The following PRKAA2 variants were observed in gnomAD, a reference collection of about 807,000 sequenced individuals.
PRKAA2 encodes protein kinase AMP-activated catalytic subunit alpha 2.
Under a neutral mutation model 56.3 loss-of-function variants are expected in PRKAA2, and 40 were observed. The observed-to-expected ratio is 0.71, with a 90% CI of 0.55 to 0.92. The LOEUF is 0.92. Ranked by LOEUF, PRKAA2 falls within the 40% of genes least tolerant of loss-of-function variation. The pLI is 0.00. For missense variants in PRKAA2, 542 were observed against 686.9 expected, an observed-to-expected ratio of 0.79 and a Z score of 2.36; for synonymous variants, 214 against 234.2, an observed-to-expected ratio of 0.91 and a Z score of 0.79.
chr1:56,675,942 A>G (rs916452175), intron 2 of PRKAA2, among the ~76,000 whole-genome samples: 5 of 139,840 alleles, frequency 3.6e-5, no homozygotes, highest in African/African-American at 1.4e-4. Context: ...GCATGTTCAT[A>G]TAAATATACT....
chr1:56,697,305 T>G (rs910881121), intron 6 of PRKAA2, among the ~76,000 whole-genome samples: 18 of 152,080 alleles, frequency 1.2e-4, no homozygotes, highest in Non-Finnish European at 2.6e-4. Context: ...ATTACAAGTG[T>G]GAGTCGTTGC....
Position 56,669,671 on chromosome 1 carries a change from C to G in PRKAA2, c.95-4710C>G, listed in dbSNP as rs193013234. 1.5e-4 allele frequency among the ~76,000 whole-genome samples: 23 copies of G among 152,214 alleles called. No homozygotes were observed. The East Asian group carries it at 3.9e-3, about 26-fold the overall frequency. On this transcript the variant is annotated intron_variant, in intron 1 of 8. Coordinates refer to ENST00000371244, the MANE Select transcript of PRKAA2 (RefSeq NM_006252.4). Reference sequence around the variant, plus strand: ...AGACACAAGGGATCTAGCCTCTGACCCCATCCCATCTAGCATTGAGAGATG... The same window carrying G: ...AGACACAAGGGATCTAGCCTCTGACGCCATCCCATCTAGCATTGAGAGATG...
In PRKAA2 at chr1:56,645,449, C is replaced by T; in HGVS notation, c.62C>T (p.Thr21Met). Residue 21 changes from threonine (T) to methionine (M), a missense_variant, in exon 1 of 9, where the codon ACG becomes ATG. By Grantham distance (81) the Thr-to-Met change is moderately conservative. Coordinates refer to ENST00000371244, the MANE Select transcript of PRKAA2 (RefSeq NM_006252.4). ...ATCGGACACTACGTGCTGGGCGACA[C>T]GCTGGGCGTCGGCACCTTCGGCAAA... ...VKIGHYVLGD[T>M]LGVGTFGKVK... The T allele has an allele frequency of 6.6e-7, 1 of 1,508,186 alleles. No homozygotes were observed. Among genetic ancestry groups the T allele is most frequent in the Non-Finnish European group, 8.9e-7 (1 of 1,122,268 alleles). 93.4% of individuals were successfully genotyped at this position (1,508,186 alleles called of 1,614,324 possible).
At chr1:56,669,476 G>T (rs1458703983) in intron 1 of PRKAA2, among the ~76,000 whole-genome samples, 1 of 151,642 alleles carries the variant, frequency 6.6e-6, no homozygotes, top group East Asian at 1.9e-4. Flanking sequence ...TGCTGATTTT[G>T]GGGACATGCT....
chr1:56,675,525 G>A (rs1334817155), intron 2 of PRKAA2, among the ~76,000 whole-genome samples: 1 of 152,132 alleles, frequency 6.6e-6, no homozygotes, highest in East Asian at 1.9e-4. Flanking sequence ...GCTGGTAGTT[G>A]AGGTCAAGCC....
At chr1:56,690,421 G>A (rs558194755) in intron 2 of PRKAA2, among the ~76,000 whole-genome samples, 2 of 152,148 alleles carry the variant, frequency 1.3e-5, no homozygotes, top group African/African-American at 2.4e-5. Flanking sequence ...TGTCCGCCTC[G>A]GCCTCCCAAA....
At chr1:56,686,470 T>A (rs182013225) in intron 2 of PRKAA2, among the ~76,000 whole-genome samples, 7 of 152,290 alleles carry the variant, frequency 4.6e-5, no homozygotes, top group African/African-American at 1.7e-4. Context: ...GGGTAATTTA[T>A]AAAGAAAAGA....
chr1:56,652,008 ATTTT>A (rs35462805), intron 1 of PRKAA2, among the ~76,000 whole-genome samples: 6 of 106,510 alleles, frequency 5.6e-5, no homozygotes, highest in African/African-American at 3.8e-5. Flanking sequence ...CGCCTGGCTA[ATTTT>A]TTTTTTTTTT....
At position 56,714,205 on chromosome 1, in the gene PRKAA2, A is replaced by G. The variant is rs1644390447; in HGVS notation, c.*6492A>G. ...ATTTTAACCCTTTAAAAAGTTTGTC[A>G]AGGAAACAACTCAGAGCTAAGAACA... On this transcript the variant is annotated 3_prime_UTR_variant, in exon 9 of 9. Coordinates refer to ENST00000371244, the MANE Select transcript of PRKAA2 (RefSeq NM_006252.4). 6.6e-6 allele frequency: 1 copy of G among 152,158 alleles called. No individual in the cohort carries two copies. The highest frequency in any genetic ancestry group is 3.2e-3 in the Middle Eastern group (1 of 316). The allele number at this position is 152,158 out of a possible 1,614,324, so 9.4% of individuals were successfully genotyped here. A position where few individuals can be genotyped will look rare whatever the true frequency, so the allele number is the denominator to read the frequency against.
intron 1 of PRKAA2, among the ~76,000 whole-genome samples, chr1:56,660,250 G>A (rs1004094415): frequency 6.6e-5 from 10 of 152,180 alleles, no homozygotes. Flanking sequence ...GAACATATTT[G>A]TTAAATGAAT....
At chr1:56,681,490 G>A (rs1330827130) in intron 2 of PRKAA2, among the ~76,000 whole-genome samples, 1 of 152,122 alleles carries the variant, frequency 6.6e-6, no homozygotes, top group Non-Finnish European at 1.5e-5. Context: ...ATGGTTTTAG[G>A]TCTAACATTT....
In PRKAA2 at chr1:56,645,409, G is replaced by C. The variant is rs1235784068; in HGVS notation, c.22G>C (p.Asp8His). The C allele has an allele frequency of 6.6e-7, 1 of 1,508,810 alleles. No individual in the cohort carries two copies. Among genetic ancestry groups the C allele is most frequent in the Non-Finnish European group, 8.9e-7 (1 of 1,122,980 alleles). The allele number at this position is 1,508,810 out of a possible 1,614,324, so 93.5% of individuals were successfully genotyped here. The change falls in exon 1 of 9, where the codon GAC (aspartate) becomes CAC (histidine). Residue 8 changes from aspartate (D) to histidine (H), a missense_variant. By Grantham distance (81) the Asp-to-His change is moderately conservative. This residue lies in a region of PRKAA2 where 59 missense variants were observed against 53.9 expected (regional missense o/e 1.09). Coordinates refer to ENST00000371244, the MANE Select transcript of PRKAA2 (RefSeq NM_006252.4). MAEKQKHDGRVKIGHYVL... is the reference protein window; with the variant it reads MAEKQKHHGRVKIGHYVL... ...GAAGATGGCTGAGAAGCAGAAGCAC[G>C]ACGGGCGGGTGAAGATCGGACACTA...
intron 4 of PRKAA2, 120 bp from the exon 5 acceptor site, chr1:56,693,645 A>G (rs1303549312): frequency 3.5e-6 from 2 of 572,308 alleles, no homozygotes; most frequent in Non-Finnish European, 5.8e-6. Flanking sequence ...GCTTTTTTTT[A>G]ATAACTTAAA....
At chr1:56,679,027 G>GATATATAAAAAAAA in intron 2 of PRKAA2, among the ~76,000 whole-genome samples, 1 of 151,966 alleles carries the variant, frequency 6.6e-6, no homozygotes, top group South Asian at 2.1e-4. Context: ...TTAACCTATG[G>GATATATAAAAAAAA]CCTGCTTTTT....
In PRKAA2 at chr1:56,712,902, TG is replaced by T; in HGVS notation, c.*5190del. 6.6e-6 allele frequency: 1 copy of T among 152,084 alleles called. No individual in the cohort carries two copies. Among genetic ancestry groups the T allele is most frequent in the Non-Finnish European group, 1.5e-5 (1 of 67,992 alleles). 9.4% of individuals were successfully genotyped at this position (152,084 alleles called of 1,614,324 possible). ...AACTAGCCCCAGTCCCTGTCTAAAT[TG>T]TTATAGTTTTTGACTATTATCTGAA... On this transcript the variant is annotated 3_prime_UTR_variant, in exon 9 of 9. Coordinates refer to ENST00000371244, the MANE Select transcript of PRKAA2 (RefSeq NM_006252.4).
chr1:56,693,881 G>T, intron 5 of PRKAA2, 29 bp downstream of exon 5: 2 of 1,408,156 alleles, frequency 1.4e-6, no homozygotes, highest in Middle Eastern at 1.8e-4. Flanking sequence ...TAAGCTTTTT[G>T]TAATCTTGTG....
chr1:56,696,298 C>T, intron 6 of PRKAA2, 139 bp downstream of exon 6: 1 of 716,830 alleles, frequency 1.4e-6, no homozygotes, highest in Non-Finnish European at 2.3e-6. Flanking sequence ...TGAACTTGTC[C>T]TTGTTTCTCA....
At chr1:56,687,394 G>A (rs1388928750) in intron 2 of PRKAA2, among the ~76,000 whole-genome samples, 2 of 152,068 alleles carry the variant, frequency 1.3e-5, no homozygotes, top group Non-Finnish European at 2.9e-5. Flanking sequence ...ATATACATAT[G>A]TAGAGAGAGG....
At chr1:56,676,135 G>A (rs1644111388) in intron 2 of PRKAA2, among the ~76,000 whole-genome samples, 1 of 152,110 alleles carries the variant, frequency 6.6e-6, no homozygotes, top group South Asian at 2.1e-4. Context: ...AGTGTGGTAA[G>A]CAGAGTAATA....
Sources: gnomAD v4.1 joint callset for allele counts (sites outside exome capture counted in the v4.1 genomes callset) on GRCh38, gnomAD v4.1.1 for gene constraint, gnomAD v4.1.1 regional missense constraint, MANE v1.5 for transcripts, NCBI Gene and HGNC (gene_info 2026-07-23, HGNC 2026-07-21) for gene names.